Variants in WASHC5 observed in about 807,000 individuals in gnomAD.
The protein encoded by WASHC5 is WASH complex subunit 5, also known as WASH complex subunit strumpellin.
Under a neutral mutation model 150.4 loss-of-function variants are expected in WASHC5, and 101 were observed. The observed-to-expected ratio is 0.67, with a 90% confidence interval of 0.57 to 0.79. The LOEUF is 0.79. Ranked by LOEUF, WASHC5 falls within the 30% of genes least tolerant of loss-of-function variation. WASHC5 has a pLI of 0.00. For missense variants in WASHC5, 1,195 were observed against 1,396.3 expected (o/e 0.86, Z 2.30); for synonymous variants, 467 against 491.2 (o/e 0.95, Z 0.65).
chr8:125,039,300 A>G (rs1259707608), intron 24 of WASHC5, among the ~76,000 whole-genome samples: 2 of 152,212 alleles, frequency 1.3e-5, no homozygotes, highest in Non-Finnish European at 2.9e-5. Flanking sequence ...CTCAAATGAC[A>G]GCAGGTTGCT....
chr8:125,031,609 C>G (rs994082351), intron 27 of WASHC5, among the ~76,000 whole-genome samples: 4 of 151,652 alleles, frequency 2.6e-5, no homozygotes, highest in Non-Finnish European at 5.9e-5. Context: ...AATGACCAAG[C>G]AAACATGACA....
chr8:125,076,188 T>C (rs1817054521), intron 7 of WASHC5, among the ~76,000 whole-genome samples, 160 bp downstream of exon 7: 1 of 152,198 alleles, frequency 6.6e-6, no homozygotes, highest in Admixed American at 6.5e-5. Flanking sequence ...TTCCTTCATG[T>C]TATAATTATA....
intron 16 of WASHC5, among the ~76,000 whole-genome samples, chr8:125,055,994 C>A (rs74895604): frequency 1.3e-5 from 2 of 152,168 alleles, no homozygotes; most frequent in Non-Finnish European, 1.5e-5. Flanking sequence ...GGTAACCTCC[C>A]CTTCCCTGGC....
chr8:125,028,314 T>G (rs768137406), intron 28 of WASHC5, among the ~76,000 whole-genome samples: 2 of 152,250 alleles, frequency 1.3e-5, no homozygotes, highest in Non-Finnish European at 2.9e-5. Context: ...TTCTTTCCTC[T>G]GGCCACTTAA....
chr8:125,076,751 A>AACAAAAAAAAAAAC (rs1817074947), intron 6 of WASHC5, among the ~76,000 whole-genome samples: 1 of 151,370 alleles, frequency 6.6e-6, no homozygotes, highest in African/African-American at 2.4e-5. Flanking sequence ...TCTTAAAAAA[A>AACAAAAAAAAAAAC]AAAAAAAAAA....
At chr8:125,090,212 A>G (rs1817561844) in intron 1 of WASHC5, among the ~76,000 whole-genome samples, 1 of 152,256 alleles carries the variant, frequency 6.6e-6, no homozygotes, top group African/African-American at 2.4e-5. Flanking sequence ...TTGTACAAAT[A>G]TAATTTGGCT....
At chr8:125,072,364 GC>G (rs1227236546) in intron 9 of WASHC5, among the ~76,000 whole-genome samples, 53 of 73,050 alleles carry the variant, frequency 7.3e-4, no homozygotes, top group East Asian at 1.6e-3. Flanking sequence ...GGGGGGGGGG[GC>G]GGGCTCTTAT....
chr8:125,076,640 CT>C, intron 6 of WASHC5, 140 bp from the exon 7 acceptor site: 1 of 870,658 alleles, frequency 1.1e-6, no homozygotes, highest in Non-Finnish European at 1.8e-6. Context: ...ACTGGAAGCC[CT>C]TCTCAGACTG....
intron 25 of WASHC5, among the ~76,000 whole-genome samples, chr8:125,038,368 A>G (rs1337281883): frequency 1.3e-5 from 2 of 152,210 alleles, no homozygotes; most frequent in East Asian, 3.8e-4. Flanking sequence ...TTGCCATGCA[A>G]AGAGATCTGG....
intron 9 of WASHC5, among the ~76,000 whole-genome samples, chr8:125,072,737 T>A: frequency 6.6e-6 from 1 of 152,158 alleles, no homozygotes; most frequent in East Asian, 1.9e-4. Flanking sequence ...AAAGGTCAGC[T>A]AATAGGCAAC....
intron 3 of WASHC5, among the ~76,000 whole-genome samples, chr8:125,082,686 C>T (rs1817303934): frequency 6.6e-6 from 1 of 152,086 alleles, no homozygotes; most frequent in Non-Finnish European, 1.5e-5. Context: ...ATTCCCTAGT[C>T]CTGATTTGTG....
At chr8:125,069,836 A>G (rs1423532511) in intron 9 of WASHC5, among the ~76,000 whole-genome samples, 1 of 152,252 alleles carries the variant, frequency 6.6e-6, no homozygotes, top group Non-Finnish European at 1.5e-5. Flanking sequence ...AAACAAACTC[A>G]GAAGGAGCTC....
chr8:125,034,594 G>C (rs1001623832), intron 26 of WASHC5, among the ~76,000 whole-genome samples: 2 of 152,172 alleles, frequency 1.3e-5, no homozygotes, highest in Non-Finnish European at 1.5e-5. Context: ...CTCTTGGTGA[G>C]AGTGTAACTG....
intron 26 of WASHC5, among the ~76,000 whole-genome samples, chr8:125,034,749 C>A (rs1020438347): frequency 1.3e-5 from 2 of 152,180 alleles, no homozygotes; most frequent in Non-Finnish European, 2.9e-5. Flanking sequence ...CCTGAATAAC[C>A]TAACCTAGGC....
rs11989471 is a variant in WASHC5 at position 125,082,879 on chromosome 8, A to G, written c.332+234T>C. On this transcript the variant is annotated intron_variant, in intron 3 of 28. Coordinates refer to ENST00000318410, the MANE Select transcript of WASHC5 (RefSeq NM_014846.4). ...ATAATAAATAACAGGATTGGAAACT[A>G]TATGACTTAGTTAAACTAAGTTTAT... The G allele has an allele frequency of 0.079, 34,276 of 433,160 alleles. 4,220 individuals carry two copies. Among genetic ancestry groups the G allele is most frequent in the African/African-American group, 0.38 (18,760 of 49,740 alleles). 26.8% of individuals were successfully genotyped at this position (433,160 alleles called of 1,614,324 possible).
At chr8:125,028,432 C>T (rs1303816525) in intron 28 of WASHC5, among the ~76,000 whole-genome samples, 188 bp downstream of exon 28, 2 of 152,158 alleles carry the variant, frequency 1.3e-5, no homozygotes, top group Non-Finnish European at 2.9e-5. Flanking sequence ...TTGTGTTAAA[C>T]TCTGCAAGGC....
At chr8:125,061,756 T>C (rs1816601609) in intron 11 of WASHC5, among the ~76,000 whole-genome samples, 1 of 152,044 alleles carries the variant, frequency 6.6e-6, no homozygotes, top group Non-Finnish European at 1.5e-5. Context: ...TTTCATACAG[T>C]AGAGAAAGAG....
intron 6 of WASHC5, among the ~76,000 whole-genome samples, chr8:125,078,312 G>A (rs1015342140): frequency 1.3e-5 from 2 of 152,062 alleles, no homozygotes; most frequent in African/African-American, 4.8e-5. Flanking sequence ...TGCTCCAGTG[G>A]CACCCTGTGC....
At position 125,074,911 on chromosome 8, in the gene WASHC5, AAT is replaced by A. The variant is rs1817008070; in HGVS notation, c.978+85_978+86del. On this transcript the variant is annotated intron_variant, in intron 8 of 28. Transcript: ENST00000318410. ...AAATTATCTAAGTGATTATCTTCCA[AAT>A]TCCTTGGGAAATCTACTTAGCTTAT... is the stretch of plus-strand genomic sequence containing the variant. The A allele has an allele frequency of 3.6e-6, 3 of 835,996 alleles. No homozygotes were observed. The Admixed American group carries it at 5.2e-5, about 14-fold the overall frequency. The allele number at this position is 835,996 out of a possible 1,614,324, so 51.8% of individuals were successfully genotyped here.
Sources: gnomAD v4.1 joint callset for allele counts (sites outside exome capture counted in the v4.1 genomes callset) on GRCh38, gnomAD v4.1.1 for gene constraint, MANE v1.5 for transcripts, NCBI Gene and HGNC (gene_info 2026-07-23, HGNC 2026-07-21) for gene names.